Variants in ADAP1 observed in about 807,000 individuals in gnomAD.
ADAP1 encodes ArfGAP with dual PH domains 1.
ADAP1 carries 31 observed loss-of-function variants against 54.9 expected under a neutral mutation model. The observed-to-expected ratio is 0.56, with a 90% CI of 0.42 to 0.76. The LOEUF is 0.76. Ranked by LOEUF, ADAP1 falls within the 30% of genes least tolerant of loss-of-function variation. The pLI is 0.00. For missense variants in ADAP1, 535 were observed against 512.4 expected (o/e 1.04, Z -0.42); for synonymous variants, 313 against 202.6 (o/e 1.55, Z -4.63).
chr7:926,409 G>C lies in ADAP1; in HGVS notation c.305+144C>G. On this transcript the variant is annotated intron_variant, in intron 3 of 10. Coordinates refer to ENST00000265846, the MANE Select transcript of ADAP1 (RefSeq NM_006869.4). This position sits in a 1 kb window ranked among gnomAD's most constrained non-coding sequence, Gnocchi z 4.6. ...GGCCAGCAGACACAGGCGGCACCTC[G>C]GGGTCTGGGGGACGCAGCTGCGGCT... is the stretch of plus-strand genomic sequence containing the variant. 2 of 536,460 alleles carry C rather than the reference G, an allele frequency of 3.7e-6. No homozygotes were observed. Among genetic ancestry groups the C allele is most frequent in the Non-Finnish European group, 6.0e-6 (2 of 333,012 alleles). 33.2% of individuals were successfully genotyped at this position (536,460 alleles called of 1,614,324 possible).
chr7:936,918 G>A (rs1040943303), intron 1 of ADAP1, among the ~76,000 whole-genome samples: 4 of 152,234 alleles, frequency 2.6e-5, no homozygotes, highest in Non-Finnish European at 4.4e-5. Context: ...GGCTGGTGGG[G>A]GACTCCCATG....
Position 919,598 on chromosome 7 carries a change from G to C in ADAP1, c.388+370C>G, listed in dbSNP as rs1191397257. On this transcript the variant is annotated intron_variant, in intron 4 of 10. Coordinates refer to ENST00000265846, the MANE Select transcript of ADAP1 (RefSeq NM_006869.4). Reference sequence around the variant, plus strand: ...TGAGATAGACGTGAAGAGAGAGGAAGAGAGACAGAGAATGAGAGACAGACA... The same window carrying C: ...TGAGATAGACGTGAAGAGAGAGGAACAGAGACAGAGAATGAGAGACAGACA... Among the ~76,000 whole-genome samples the C allele has an allele frequency of 4.2e-5, 6 of 144,478 alleles. No individual in the cohort carries two copies. In the South Asian group the frequency reaches 9.2e-4, roughly 22 times the overall value. The allele number at this position is 144,478 out of a possible 152,430, so 94.8% of individuals were successfully genotyped here.
In ADAP1 at chr7:920,889, C is replaced by T. The variant is rs1436161377; in HGVS notation, c.306-839G>A. 2.8e-5 allele frequency: 44 copies of T among 1,549,402 alleles called. No homozygotes were observed. Among genetic ancestry groups the T allele is most frequent in the East Asian group, 9.8e-5 (4 of 40,920 alleles). ...AGCCTTTTCCACTCCCAGGGAATTA[C>T]GCGGCAAAGAACAAATAGGAACCCT... On this transcript the variant is annotated intron_variant, in intron 3 of 10. Transcript: ENST00000265846. This position sits in a 1 kb window ranked among gnomAD's most constrained non-coding sequence, Gnocchi z 4.5.
In ADAP1 at chr7:926,228, C is replaced by T. The variant is rs2128106670; in HGVS notation, c.305+325G>A. On this transcript the variant is annotated intron_variant, in intron 3 of 10. Transcript: ENST00000265846. This position sits in a 1 kb window ranked among gnomAD's most constrained non-coding sequence, Gnocchi z 4.6. ...GAAACAACAGCCGCCCCTCCCGTTC[C>T]CCTCCCAGACCGCCAGGAGCACCTG... 6.6e-6 allele frequency among the ~76,000 whole-genome samples: 1 copy of T among 152,060 alleles called. No homozygotes were observed. Among genetic ancestry groups the T allele is most frequent in the African/African-American group, 2.4e-5 (1 of 41,468 alleles).
chr7:947,633 C>G (rs1847177396), intron 1 of ADAP1, among the ~76,000 whole-genome samples: 4 of 152,094 alleles, frequency 2.6e-5, no homozygotes, highest in Admixed American at 2.0e-4. Flanking sequence ...GCAAATATTT[C>G]AAGACGATCC....
At chr7:939,764 G>A (rs1846891353) in intron 1 of ADAP1, among the ~76,000 whole-genome samples, 1 of 151,688 alleles carries the variant, frequency 6.6e-6, no homozygotes, top group Non-Finnish European at 1.5e-5. Flanking sequence ...CCGGGAGATG[G>A]AGATTGCAGT....
At chr7:901,711 A>G (rs1276941280) in intron 6 of ADAP1, among the ~76,000 whole-genome samples, 2 of 92,490 alleles carry the variant, frequency 2.2e-5, no homozygotes, top group African/African-American at 4.2e-5. Context: ...GGCCACGCCC[A>G]CAAGCCACAC....
chr7:907,886 AGG>A (rs1562916785), intron 4 of ADAP1, among the ~76,000 whole-genome samples: 1 of 150,120 alleles, frequency 6.7e-6, no homozygotes, highest in Non-Finnish European at 1.5e-5. Context: ...GCCTCTCCGG[AGG>A]TCGCGGGGCC....
Position 898,936 on chromosome 7 carries a change from G to T in ADAP1, c.1110C>A (p.Phe370Leu). 1 of 1,609,522 alleles carries T rather than the reference G, an allele frequency of 6.2e-7. No homozygotes were observed. Among genetic ancestry groups the T allele is most frequent in the Non-Finnish European group, 8.5e-7 (1 of 1,178,396 alleles). ...GCCGCACTCGCTAAGGTTTATGCTT[G>T]AAGTGCGCCTCCACTGCAACGGAAC... is the stretch of plus-strand genomic sequence containing the variant. The part of the protein sequence containing the change: ...LPQEYAVEAH[F>L]KHKP Residue 370 changes from phenylalanine (F) to leucine (L), a missense_variant, in exon 11 of 11, where the codon TTC becomes TTA. Transcript: ENST00000265846.
At chr7:927,112 CGA>C in intron 2 of ADAP1, 2 of 1,303,892 alleles carry the variant, frequency 1.5e-6, no homozygotes, top group Non-Finnish European at 2.0e-6. Context: ...GGCTGGTGAG[CGA>C]GAGACCCAGA....
intron 1 of ADAP1, among the ~76,000 whole-genome samples, chr7:939,682 T>A (rs1846888027): frequency 6.6e-6 from 1 of 151,774 alleles, no homozygotes. Context: ...AATACAAAAA[T>A]TAGCCGGGCG....
chr7:900,889 G>T lies in ADAP1; in HGVS notation c.649-273C>A, dbSNP rs995917932. On this transcript the variant is annotated intron_variant, in intron 6 of 10. Coordinates refer to ENST00000265846, the MANE Select transcript of ADAP1 (RefSeq NM_006869.4). ...AGAAGGGCCGAAGGGCCGAAGGGCC[G>T]GGCCGGGCCGGGCTGGACAGGGTCG... is the stretch of plus-strand genomic sequence containing the variant. 2 of 583,998 alleles carry T rather than the reference G, an allele frequency of 3.4e-6. 1 individual carries two copies. Among genetic ancestry groups the T allele is most frequent in the South Asian group, 3.1e-5 (2 of 65,462 alleles). 36.2% of individuals were successfully genotyped at this position (583,998 alleles called of 1,614,324 possible). A position where few individuals can be genotyped will look rare whatever the true frequency, so the allele number is the denominator to read the frequency against.
intron 1 of ADAP1, among the ~76,000 whole-genome samples, chr7:943,936 G>C (rs900810300): frequency 1.3e-5 from 2 of 150,806 alleles, no homozygotes; most frequent in African/African-American, 2.4e-5. Context: ...TTATTATTGA[G>C]ACAGGGTCTT....
intron 5 of ADAP1, 83 bp from the exon 6 acceptor site, chr7:904,355 TG>T: frequency 6.7e-7 from 1 of 1,492,938 alleles, no homozygotes; most frequent in Admixed American, 2.2e-5. Context: ...CTGTGGGTGC[TG>T]GCGGCGCACC....
chr7:907,140 T>C (rs561624028), intron 4 of ADAP1, among the ~76,000 whole-genome samples: 4 of 152,134 alleles, frequency 2.6e-5, no homozygotes, highest in Non-Finnish European at 5.9e-5. Context: ...GGAGTCCAGC[T>C]CAAGCCCTCA....
intron 6 of ADAP1, among the ~76,000 whole-genome samples, chr7:903,559 C>T (rs1329262667): frequency 7.9e-5 from 12 of 152,282 alleles, no homozygotes; most frequent in South Asian, 6.2e-4. Flanking sequence ...CTGGGCCCAC[C>T]GCTGCGCCCC....
chr7:931,297 C>G (rs74944278), intron 2 of ADAP1, among the ~76,000 whole-genome samples: 17 of 152,090 alleles, frequency 1.1e-4, no homozygotes, highest in African/African-American at 3.9e-4. Flanking sequence ...ACTAAATTGT[C>G]GAAATACATT....
intron 6 of ADAP1, 79 bp downstream of exon 6, chr7:904,047 C>A: frequency 6.3e-6 from 10 of 1,584,220 alleles, no homozygotes; most frequent in Admixed American, 1.7e-5. Context: ...ACCGTCCAAG[C>A]ACCCACCTTC....
At position 916,009 on chromosome 7, in the gene ADAP1, C is replaced by A. The variant is rs112270848; in HGVS notation, c.388+3959G>T. Among the ~76,000 whole-genome samples the A allele has an allele frequency of 2.4e-3, 372 of 152,342 alleles. 2 individuals carry two copies. The highest frequency in any genetic ancestry group is 3.8e-3 in the Non-Finnish European group (258 of 68,028). On this transcript the variant is annotated intron_variant, in intron 4 of 10. Coordinates refer to ENST00000265846, the MANE Select transcript of ADAP1 (RefSeq NM_006869.4). Reference sequence around the variant, plus strand: ...TGTCTGCCACCTGCACGCACCCCCACTTCTGGAGCCCAGACCTGATCTTCC... The same window carrying A: ...TGTCTGCCACCTGCACGCACCCCCAATTCTGGAGCCCAGACCTGATCTTCC...
Sources: gnomAD v4.1 joint callset for allele counts (sites outside exome capture counted in the v4.1 genomes callset) on GRCh38, gnomAD v4.1.1 for gene constraint, Gnocchi (gnomAD v3.1) non-coding constraint, MANE v1.5 for transcripts, NCBI Gene and HGNC (gene_info 2026-07-23, HGNC 2026-07-21) for gene names.